Variants in CNTNAP2 observed in about 807,000 individuals in gnomAD.
The protein encoded by CNTNAP2 is contactin associated protein 2.
CNTNAP2 carries 98 observed loss-of-function variants against 155.2 expected under a neutral mutation model. The ratio of observed to expected loss-of-function variants is 0.63; its 90% CI spans 0.54 to 0.75. The LOEUF (loss-of-function observed/expected upper bound fraction) is 0.75, where lower values mean the gene tolerates loss of function less well. CNTNAP2 is among the 30% of genes least tolerant of loss of function. The probability of loss-of-function intolerance (pLI) is 0.00; values close to 1 mark genes in which losing one functional copy is unlikely to be tolerated. For synonymous variants in CNTNAP2, 651 were observed against 631.2 expected (o/e 1.03, Z -0.47); for missense variants, 1,727 against 1,688.1 (o/e 1.02, Z -0.40).
chr7:147,147,469 CA>C (rs1288127856), intron 8 of CNTNAP2, among the ~76,000 whole-genome samples: 1 of 151,992 alleles, frequency 6.6e-6, no homozygotes, highest in East Asian at 1.9e-4. Flanking sequence ...GATTCCTTTT[CA>C]GCAAAAAAAA....
intron 19 of CNTNAP2, among the ~76,000 whole-genome samples, chr7:148,224,191 G>A (rs549011691): frequency 1.5e-4 from 23 of 152,334 alleles, no homozygotes; most frequent in African/African-American, 4.8e-4. Flanking sequence ...ATGATATGAT[G>A]TCAGAGCACC....
chr7:146,741,158 A>G (rs955455562), intron 1 of CNTNAP2, among the ~76,000 whole-genome samples: 1 of 151,856 alleles, frequency 6.6e-6, no homozygotes, highest in Non-Finnish European at 1.5e-5. Context: ...GTATTGTAAA[A>G]CTGTGATTCC....
intron 3 of CNTNAP2, among the ~76,000 whole-genome samples, chr7:146,931,015 C>T (rs1436588210): frequency 1.1e-4 from 17 of 151,546 alleles, no homozygotes; most frequent in African/African-American, 2.4e-4. Flanking sequence ...CTGTCAACAT[C>T]AGACAGATCA....
At chr7:146,823,295 T>C (rs964276597) in intron 2 of CNTNAP2, among the ~76,000 whole-genome samples, 2 of 149,952 alleles carry the variant, frequency 1.3e-5, no homozygotes, top group Non-Finnish European at 3.0e-5. Flanking sequence ...ATACTCATTC[T>C]TCAGTATAAT....
At chr7:147,784,656 C>T (rs982637946) in intron 13 of CNTNAP2, among the ~76,000 whole-genome samples, 1 of 147,040 alleles carries the variant, frequency 6.8e-6, no homozygotes, top group African/African-American at 2.5e-5. Flanking sequence ...GAAGGTTTTC[C>T]AGTAATTGAA....
At chr7:146,129,083 T>C (rs2116732260) in intron 1 of CNTNAP2, among the ~76,000 whole-genome samples, 1 of 152,298 alleles carries the variant, frequency 6.6e-6, no homozygotes, top group East Asian at 1.9e-4. Context: ...ATTAGAAAAA[T>C]GTTACTGCAA....
chr7:146,913,775 G>T (rs1585154648), intron 3 of CNTNAP2, among the ~76,000 whole-genome samples: 1 of 151,592 alleles, frequency 6.6e-6, no homozygotes, highest in Non-Finnish European at 1.5e-5. Context: ...TTTTCAATAG[G>T]TTTTTGGGGA....
At chr7:147,854,377 C>T (rs1362251565) in intron 13 of CNTNAP2, among the ~76,000 whole-genome samples, 1 of 152,112 alleles carries the variant, frequency 6.6e-6, no homozygotes, top group African/African-American at 2.4e-5. Flanking sequence ...ACTCTGAGTG[C>T]TGAACCAACT....
chr7:147,395,458 C>A (rs1189395465), intron 9 of CNTNAP2, 151 bp from the exon 10 acceptor site: 3 of 736,876 alleles, frequency 4.1e-6, no homozygotes, highest in Admixed American at 2.5e-5. Context: ...TCTCAAAAAA[C>A]TTCCTTTTTC....
intron 1 of CNTNAP2, among the ~76,000 whole-genome samples, chr7:146,180,230 C>T (rs896372962): frequency 1.3e-5 from 2 of 152,170 alleles, no homozygotes; most frequent in Non-Finnish European, 2.9e-5. Flanking sequence ...AGCAATTCTG[C>T]CTTCAGCTAC....
intron 13 of CNTNAP2, among the ~76,000 whole-genome samples, chr7:147,760,746 C>A (rs547141349): frequency 6.6e-6 from 1 of 152,278 alleles, no homozygotes; most frequent in East Asian, 1.9e-4. Context: ...ATTAATTCAA[C>A]AAGTTGCCAT....
intron 1 of CNTNAP2, among the ~76,000 whole-genome samples, chr7:146,403,118 T>C (rs1280764350): frequency 1.3e-5 from 2 of 152,178 alleles, no homozygotes; most frequent in Non-Finnish European, 2.9e-5. Context: ...ATGCATTTCA[T>C]AATTTTTGGT....
chr7:148,009,091 A>G (rs947674445), intron 15 of CNTNAP2, among the ~76,000 whole-genome samples: 1 of 152,228 alleles, frequency 6.6e-6, no homozygotes, highest in Non-Finnish European at 1.5e-5. Context: ...CAATAAATCC[A>G]TAGAAAACAC....
intron 21 of CNTNAP2, among the ~76,000 whole-genome samples, chr7:148,342,739 T>C (rs535253814): frequency 6.6e-6 from 1 of 152,220 alleles, no homozygotes; most frequent in Non-Finnish European, 1.5e-5. Context: ...AATGAACAAA[T>C]ACTGTGATCG....
chr7:146,479,853 C>G (rs780180757), intron 1 of CNTNAP2, among the ~76,000 whole-genome samples: 2 of 152,120 alleles, frequency 1.3e-5, no homozygotes, highest in Non-Finnish European at 2.9e-5. Flanking sequence ...GGTGCGATCT[C>G]AGCTCACTGC....
At chr7:147,466,032 A>T (rs1488482168) in intron 10 of CNTNAP2, among the ~76,000 whole-genome samples, 1 of 152,262 alleles carries the variant, frequency 6.6e-6, no homozygotes, top group African/African-American at 2.4e-5. Context: ...TGCAAAAAGC[A>T]TATTGGAGAA....
At chr7:148,342,425 C>A (rs548117545) in intron 21 of CNTNAP2, among the ~76,000 whole-genome samples, 1 of 152,228 alleles carries the variant, frequency 6.6e-6, no homozygotes, top group Non-Finnish European at 1.5e-5. Context: ...TCTAATGTAT[C>A]CTGTAAGTGT....
At chr7:146,191,567 G>A (rs531512197) in intron 1 of CNTNAP2, among the ~76,000 whole-genome samples, 7 of 152,204 alleles carry the variant, frequency 4.6e-5, no homozygotes, top group East Asian at 1.9e-4. Flanking sequence ...GGAGTGCTAC[G>A]GGAGACCAGG....
intron 1 of CNTNAP2, among the ~76,000 whole-genome samples, chr7:146,123,334 A>G (rs1167571981): frequency 1.3e-5 from 2 of 152,220 alleles, no homozygotes; most frequent in Admixed American, 6.5e-5. Context: ...TACTTTTACC[A>G]GGAAAAATTC....
Sources: allele counts gnomAD v4.1 joint callset (sites outside exome capture counted in the v4.1 genomes callset), GRCh38; gene constraint gnomAD v4.1.1; transcripts MANE v1.5; gene names NCBI Gene and HGNC (gene_info 2026-07-23, HGNC 2026-07-21).